The following HES7 variants were observed in gnomAD, a reference collection of about 807,000 sequenced individuals.
HES7 encodes transcription factor HES-7.
HES7 carries 8 observed loss-of-function variants against 18.0 expected under a neutral mutation model. The ratio of observed to expected loss-of-function variants is 0.45; its 90% CI spans 0.26 to 0.80. The LOEUF (loss-of-function observed/expected upper bound fraction) is 0.80. Among genes scored for constraint, HES7 ranks in the 30% least tolerant of loss-of-function variants. HES7 has a pLI of 0.18. For synonymous variants in HES7, 170 were observed against 158.6 expected (o/e 1.07, Z -0.54); for missense variants, 356 against 340.9 (o/e 1.04, Z -0.35).
In HES7 at chr17:8,122,505, G is replaced by T; in HGVS notation, c.139-75C>A. On this transcript the variant is annotated intron_variant, in intron 2 of 3. Transcript: ENST00000541682. This position sits in a 1 kb window ranked among gnomAD's most constrained non-coding sequence, Gnocchi z 6.9. ...GGGGAAAGTGGCAGGGGGAAGAAGG[G>T]AGGGACGGATGCGGGAGCTGGTGGT... The T allele has an allele frequency of 1.9e-6, 2 of 1,056,576 alleles. No individual in the cohort carries two copies. The highest frequency in any genetic ancestry group is 2.9e-6 in the Non-Finnish European group (2 of 700,642). 65.5% of individuals were successfully genotyped at this position (1,056,576 alleles called of 1,614,324 possible). A position where few individuals can be genotyped will look rare whatever the true frequency, so the allele number is the denominator to read the frequency against.
At position 8,123,378 on chromosome 17, in the gene HES7, G is replaced by C; in HGVS notation, c.43-252C>G. ...TCGTCCTCCCTCCTCCCCTCTCTGTGTCTCTCCTCCTCTTTTCTCTCTACG... is the reference window on the plus strand; with the variant it reads ...TCGTCCTCCCTCCTCCCCTCTCTGTCTCTCTCCTCCTCTTTTCTCTCTACG... On this transcript the variant is annotated intron_variant, in intron 1 of 3. Transcript: ENST00000541682. This position sits in a 1 kb window ranked among gnomAD's most constrained non-coding sequence, Gnocchi z 5.9. 1 of 578,464 alleles carries C rather than the reference G, an allele frequency of 1.7e-6. No individual in the cohort carries two copies. The highest frequency in any genetic ancestry group is 3.1e-6 in the Non-Finnish European group (1 of 322,650). The allele number at this position is 578,464 out of a possible 1,614,324, so 35.8% of individuals were successfully genotyped here.
rs1043246996 is a variant in HES7, at chr17:8,123,704, C to T, written c.42+339G>A. ...CTCACAGCCAGAGTGGAGCAAGTGC[C>T]TATCCTCTTCTCTTTTCGTTCCCAC... On this transcript the variant is annotated intron_variant, in intron 1 of 3. Transcript: ENST00000541682. This position sits in a 1 kb window ranked among gnomAD's most constrained non-coding sequence, Gnocchi z 5.9. 2.0e-5 allele frequency among the ~76,000 whole-genome samples: 3 copies of T among 152,206 alleles called. No homozygotes were observed. The highest frequency in any genetic ancestry group is 4.4e-5 in the Non-Finnish European group (3 of 68,034).
At position 8,121,602 on chromosome 17, in the gene HES7, G is replaced by A. The variant is rs536990518; in HGVS notation, c.662C>T (p.Pro221Leu). The A allele has an allele frequency of 2.3e-6, 3 of 1,310,474 alleles. No individual in the cohort carries two copies. In the South Asian group the frequency reaches 7.0e-5, roughly 31 times the overall value. 81.2% of individuals were successfully genotyped at this position (1,310,474 alleles called of 1,614,324 possible). A position where few individuals can be genotyped will look rare whatever the true frequency, so the allele number is the denominator to read the frequency against. Residue 221 changes from proline to leucine, a missense_variant, in exon 4 of 4, where the codon CCG becomes CTG. Transcript: ENST00000541682. ...QDGAPKAPLPPPPAFWRPWP is the reference protein window; with the variant it reads ...QDGAPKAPLPLPPAFWRPWP The stretch of plus-strand genomic sequence containing the variant: ...CCAAGGTCTCCAGAAAGCGGGCGGC[G>A]GGGGCAGCGGGGCCTTGGGCGCCCC...
In HES7 at chr17:8,121,931, G is replaced by A; in HGVS notation, c.333C>T (p.Phe111=). ...GGGCGGCCGGGCTGGCGTCGTGCGC[G>A]AAGGCCGCCAAGCGAAGCAGGCACT... The part of the protein sequence containing the change: ...FRECLLRLAA[F]AHDASPAARA... The change falls in exon 4 of 4, where the codon TTC becomes TTT. Residue 111 remains phenylalanine, a synonymous_variant. Transcript: ENST00000541682. 6.4e-7 allele frequency: 1 copy of A among 1,563,098 alleles called. No individual in the cohort carries two copies. Among genetic ancestry groups the A allele is most frequent in the Non-Finnish European group, 8.6e-7 (1 of 1,165,354 alleles).
chr17:8,123,953 G>A lies in HES7; in HGVS notation c.42+90C>T. On this transcript the variant is annotated intron_variant, in intron 1 of 3. Transcript: ENST00000541682. This position sits in a 1 kb window ranked among gnomAD's most constrained non-coding sequence, Gnocchi z 5.9. ...AGCACCGCTCCCCTTCCACCCCTGC[G>A]TCCCCAGCCTCTCTCCAGACCGACG... is the stretch of plus-strand genomic sequence containing the variant. 3 of 1,436,990 alleles carry A rather than the reference G, an allele frequency of 2.1e-6. No homozygotes were observed. The highest frequency in any genetic ancestry group is 1.9e-6 in the Non-Finnish European group (2 of 1,029,324). The allele number at this position is 1,436,990 out of a possible 1,614,324, so 89.0% of individuals were successfully genotyped here.
In HES7 at chr17:8,122,923, T is replaced by C. The variant is rs1338592454; in HGVS notation, c.138+108A>G. Reference sequence around the variant, plus strand: ...TCCAAAGGCGGGACTCGGGTGAGGATGCCTTGGGGCCAGGGTTGCCAACCA... The same window carrying C: ...TCCAAAGGCGGGACTCGGGTGAGGACGCCTTGGGGCCAGGGTTGCCAACCA... On this transcript the variant is annotated intron_variant, in intron 2 of 3. Coordinates refer to ENST00000541682, the MANE Select transcript of HES7 (RefSeq NM_001165967.2). This position sits in a 1 kb window ranked among gnomAD's most constrained non-coding sequence, Gnocchi z 6.9. 3.6e-6 allele frequency: 3 copies of C among 831,034 alleles called. No homozygotes were observed. The highest frequency in any genetic ancestry group is 2.0e-5 in the Admixed American group (1 of 50,062). 51.5% of individuals were successfully genotyped at this position (831,034 alleles called of 1,614,324 possible).
At position 8,123,356 on chromosome 17, in the gene HES7, T is replaced by A. The variant is rs1415942580; in HGVS notation, c.43-230A>T. On this transcript the variant is annotated intron_variant, in intron 1 of 3. Coordinates refer to ENST00000541682, the MANE Select transcript of HES7 (RefSeq NM_001165967.2). The surrounding 1 kb of genome is among the most constrained non-coding windows in gnomAD (Gnocchi z 5.9). Reference sequence around the variant, plus strand: ...TTCGCATTCTCCTCTCTCAGTCTCGTCCTCCCTCCTCCCCTCTCTGTGTCT... The same window carrying A: ...TTCGCATTCTCCTCTCTCAGTCTCGACCTCCCTCCTCCCCTCTCTGTGTCT... 1.7e-6 allele frequency: 1 copy of A among 591,436 alleles called. No homozygotes were observed. The highest frequency in any genetic ancestry group is 2.9e-5 in the Admixed American group (1 of 34,024). The allele number at this position is 591,436 out of a possible 1,614,324, so 36.6% of individuals were successfully genotyped here. A position where few individuals can be genotyped will look rare whatever the true frequency, so the allele number is the denominator to read the frequency against.
At chr17:8,126,118 TC>T (rs1215041876), upstream of HES7, among the ~76,000 whole-genome samples, 1 of 151,560 alleles carries the variant, frequency 6.6e-6, no homozygotes, top group Non-Finnish European at 1.5e-5. Context: ...GGGCCAGGTC[TC>T]CCCGCCCCCC....
At chr17:8,125,693 C>T (rs557501163), upstream of HES7, among the ~76,000 whole-genome samples, 6 of 152,152 alleles carry the variant, frequency 3.9e-5, no homozygotes, top group African/African-American at 1.4e-4. Flanking sequence ...TGTCCGGGTC[C>T]GCCTCAACCT....
chr17:8,120,994 T>C lies in HES7; in HGVS notation c.*577A>G, dbSNP rs1308143617. On this transcript the variant is annotated 3_prime_UTR_variant, in exon 4 of 4. Coordinates refer to ENST00000541682, the MANE Select transcript of HES7 (RefSeq NM_001165967.2). The stretch of plus-strand genomic sequence containing the variant: ...ATAGAGCAATTCAAAGGTTGTGGGT[T>C]CGAATCCCACCAGAGTCGATTTTAT... 1 of 152,736 alleles carries C rather than the reference T, an allele frequency of 6.5e-6. No homozygotes were observed. Among genetic ancestry groups the C allele is most frequent in the Non-Finnish European group, 1.5e-5 (1 of 68,068 alleles). 9.5% of individuals were successfully genotyped at this position (152,736 alleles called of 1,614,324 possible). A position where few individuals can be genotyped will look rare whatever the true frequency, so the allele number is the denominator to read the frequency against.
In HES7 at chr17:8,120,939, ATGGATAGCGCAT is replaced by A. The variant is rs1568013048; in HGVS notation, c.*620_*631del. On this transcript the variant is annotated 3_prime_UTR_variant, in exon 4 of 4. Coordinates refer to ENST00000541682, the MANE Select transcript of HES7 (RefSeq NM_001165967.2). ...GTTCGTCGGGTGGCTCTGTGGCGCA[ATGGATAGCGCAT>A]TGGACTTCTAGTGACGAATAGAGCA... 1.3e-5 allele frequency: 2 copies of A among 152,692 alleles called. No homozygotes were observed. Among genetic ancestry groups the A allele is most frequent in the East Asian group, 1.9e-4 (1 of 5,198 alleles). The allele number at this position is 152,692 out of a possible 1,614,324, so 9.5% of individuals were successfully genotyped here.
chr17:8,126,023 C>G (rs1262147457), upstream of HES7, among the ~76,000 whole-genome samples: 3 of 151,976 alleles, frequency 2.0e-5, no homozygotes, highest in Non-Finnish European at 4.4e-5. Flanking sequence ...TCCACACCCC[C>G]CTCCCTCCGT....
rs1981244575 is a variant in HES7, at chr17:8,120,721, C to T, written c.*850G>A. ...GCTCAGCCATTTTCGGTTGCTCTCCCTCCCTGTTTTTTCGACCCATGTGCG... is the reference window on the plus strand; with the variant it reads ...GCTCAGCCATTTTCGGTTGCTCTCCTTCCCTGTTTTTTCGACCCATGTGCG... On this transcript the variant is annotated 3_prime_UTR_variant, in exon 4 of 4. Transcript: ENST00000541682. 1 of 152,680 alleles carries T rather than the reference C, an allele frequency of 6.5e-6. No individual in the cohort carries two copies. Among genetic ancestry groups the T allele is most frequent in the Admixed American group, 6.5e-5 (1 of 15,280 alleles). 9.5% of individuals were successfully genotyped at this position (152,680 alleles called of 1,614,324 possible).
In HES7 at chr17:8,121,880, G is replaced by T. The variant is rs746077060; in HGVS notation, c.384C>A (p.His128Gln). 4 of 1,572,588 alleles carry T rather than the reference G, an allele frequency of 2.5e-6. No individual in the cohort carries two copies. The South Asian group carries it at 3.4e-5, about 13-fold the overall frequency. The stretch of plus-strand genomic sequence containing the variant: ...GGGGCGGTTTGGGGCGCAGATAGCC[G>T]TGCAGCGCGGAGAAGAGCTGGGCGC... ...AARAQLFSAL[H>Q]GYLRPKPPRP... is the part of the protein sequence containing the mutation. Residue 128 changes from histidine (H) to glutamine (Q), a missense_variant, in exon 4 of 4, where the codon CAC (histidine) becomes CAA (glutamine). Physicochemically the swap from His to Gln is conservative, Grantham distance 24. Transcript: ENST00000541682.
Position 8,123,423 on chromosome 17 carries a change from C to A in HES7, c.43-297G>T. ...TCTACGTCTCCGTCTGGTGCAGTTT[C>A]TCTTTGTCTCAGTGGAGAACTTTGG... On this transcript the variant is annotated intron_variant, in intron 1 of 3. Coordinates refer to ENST00000541682, the MANE Select transcript of HES7 (RefSeq NM_001165967.2). This position sits in a 1 kb window ranked among gnomAD's most constrained non-coding sequence, Gnocchi z 5.9. 2 of 510,256 alleles carry A rather than the reference C, an allele frequency of 3.9e-6. No individual in the cohort carries two copies. Among genetic ancestry groups the A allele is most frequent in the Non-Finnish European group, 7.1e-6 (2 of 280,934 alleles). 31.6% of individuals were successfully genotyped at this position (510,256 alleles called of 1,614,324 possible). A position where few individuals can be genotyped will look rare whatever the true frequency, so the allele number is the denominator to read the frequency against.
At chr17:8,124,012 G>A (rs1192986514) in intron 1 of HES7, 31 bp downstream of exon 1, 1 of 1,613,306 alleles carries the variant, frequency 6.2e-7, no homozygotes. Context: ...CCAAACCAGG[G>A]ACCTCTGCTC....
upstream of HES7, among the ~76,000 whole-genome samples, chr17:8,126,029 T>G (rs1373276390): frequency 8.3e-6 from 1 of 120,500 alleles, no homozygotes; most frequent in African/African-American, 3.2e-5. Flanking sequence ...CCCCCCTCCC[T>G]CCGTCCCCGG....
In HES7 at chr17:8,122,277, C is replaced by G; in HGVS notation, c.226+66G>C. On this transcript the variant is annotated intron_variant, in intron 3 of 3. Transcript: ENST00000541682. The surrounding 1 kb of genome is among the most constrained non-coding windows in gnomAD (Gnocchi z 6.9). ...CCATCCACCGCAGGGCCCGCCCACT[C>G]TGCCCCGGCCGGAGCCTCCTGGCGT... 7.2e-7 allele frequency: 1 copy of G among 1,393,194 alleles called. No homozygotes were observed. The highest frequency in any genetic ancestry group is 9.9e-7 in the Non-Finnish European group (1 of 1,007,056). The allele number at this position is 1,393,194 out of a possible 1,614,324, so 86.3% of individuals were successfully genotyped here.
At chr17:8,124,974 G>A (rs1302498217), upstream of HES7, among the ~76,000 whole-genome samples, 3 of 152,164 alleles carry the variant, frequency 2.0e-5, no homozygotes, top group Non-Finnish European at 2.9e-5. Flanking sequence ...GACACCTCAC[G>A]CAAGTGTGCC....
Sources: allele counts gnomAD v4.1 joint callset (sites outside exome capture counted in the v4.1 genomes callset), GRCh38; gene constraint gnomAD v4.1.1; non-coding constraint Gnocchi (gnomAD v3.1); transcripts MANE v1.5; gene names NCBI Gene and HGNC (gene_info 2026-07-23, HGNC 2026-07-21).